The following HS6ST1 variants were observed in gnomAD, a reference collection of about 807,000 sequenced individuals.
HS6ST1 encodes the protein heparan sulfate 6-O-sulfotransferase 1.
A neutral mutation model predicts 25.2 loss-of-function variants in HS6ST1; 3 were observed. That is an observed-to-expected ratio of 0.12 (90% CI 0.05 to 0.31). HS6ST1 has a LOEUF of 0.31. Among genes scored for constraint, HS6ST1 ranks in the 10% least tolerant of loss-of-function variants. The pLI is 1.00. For synonymous variants in HS6ST1, 204 were observed against 275.1 expected, an observed-to-expected ratio of 0.74 and a Z score of 2.56; for missense variants, 310 against 609.6, an observed-to-expected ratio of 0.51 and a Z score of 5.18.
intron 1 of HS6ST1, among the ~76,000 whole-genome samples, chr2:128,291,380 G>A (rs1693950483): frequency 6.6e-6 from 1 of 152,258 alleles, no homozygotes; most frequent in African/African-American, 2.4e-5. Context: ...AGTGAGGTGT[G>A]AGTCCTGGAG....
chr2:128,291,837 C>T (rs1238069210), intron 1 of HS6ST1, among the ~76,000 whole-genome samples: 2 of 152,228 alleles, frequency 1.3e-5, no homozygotes, highest in African/African-American at 4.8e-5. Context: ...GGGCATCTGT[C>T]CACAGGCTCT....
At position 128,318,047 on chromosome 2, in the gene HS6ST1, G is replaced by A; in HGVS notation, c.517C>T (p.Arg173Cys). Residue 173 changes from arginine (R) to cysteine (C), a missense_variant, in exon 1 of 2, where the codon CGC (arginine) becomes TGC (cysteine). This residue lies in a region of HS6ST1 where 98 missense variants were observed against 270.3 expected (regional missense o/e 0.36). Coordinates refer to ENST00000259241, the MANE Select transcript of HS6ST1 (RefSeq NM_004807.3). The surrounding 1 kb of genome is among the most constrained non-coding windows in gnomAD (Gnocchi z 5.7). ...CGCCCGGGCGCTCACCTGGGCGTGC[G>A]CAGCGCGGCGGAGTCGCGGCGGTCC... Reference protein sequence around the residue: ...VLDRRDSAALRTPRKFYYITL... With the variant: ...VLDRRDSAALCTPRKFYYITL... 1 of 1,516,810 alleles carries A rather than the reference G, an allele frequency of 6.6e-7. No homozygotes were observed. The highest frequency in any genetic ancestry group is 8.8e-7 in the Non-Finnish European group (1 of 1,138,716). 94.0% of individuals were successfully genotyped at this position (1,516,810 alleles called of 1,614,324 possible). A position where few individuals can be genotyped will look rare whatever the true frequency, so the allele number is the denominator to read the frequency against.
chr2:128,316,306 C>T (rs905463557), intron 1 of HS6ST1, among the ~76,000 whole-genome samples: 1 of 152,372 alleles, frequency 6.6e-6, no homozygotes, highest in Non-Finnish European at 1.5e-5. Flanking sequence ...GGCTTCTTGG[C>T]GGCCCGAAGC....
chr2:128,311,941 GTC>G (rs761334953), intron 1 of HS6ST1, among the ~76,000 whole-genome samples: 1 of 152,258 alleles, frequency 6.6e-6, no homozygotes, highest in Non-Finnish European at 1.5e-5. Flanking sequence ...GCCATGGGCA[GTC>G]TCTGCTGCCA....
intron 1 of HS6ST1, among the ~76,000 whole-genome samples, chr2:128,273,554 G>A (rs895169440): frequency 1.1e-4 from 16 of 152,184 alleles, no homozygotes; most frequent in East Asian, 3.8e-4. Flanking sequence ...AGCCAGAGGC[G>A]TCCAGTCCCA....
At chr2:128,315,315 G>A (rs1694345366) in intron 1 of HS6ST1, among the ~76,000 whole-genome samples, 1 of 152,194 alleles carries the variant, frequency 6.6e-6, no homozygotes, top group Admixed American at 6.5e-5. Context: ...GCTCAGAGCA[G>A]CCCAGGCTGA....
chr2:128,275,931 C>T (rs1018742337), intron 1 of HS6ST1, among the ~76,000 whole-genome samples: 1 of 152,162 alleles, frequency 6.6e-6, no homozygotes, highest in Non-Finnish European at 1.5e-5. Context: ...ACCACGGTGG[C>T]GTGCTCACCT....
At chr2:128,281,547 C>T (rs984711159) in intron 1 of HS6ST1, among the ~76,000 whole-genome samples, 8 of 152,202 alleles carry the variant, frequency 5.3e-5, no homozygotes, top group Non-Finnish European at 8.8e-5. Flanking sequence ...CCAGCAGTCA[C>T]CTTGGACCAT....
intron 1 of HS6ST1, among the ~76,000 whole-genome samples, chr2:128,309,824 C>T (rs753077115): frequency 7.9e-5 from 12 of 152,208 alleles, no homozygotes; most frequent in South Asian, 2.1e-4. Context: ...CAGCTGCTGA[C>T]GGCTCGCTCT....
intron 1 of HS6ST1, among the ~76,000 whole-genome samples, chr2:128,285,865 C>A (rs1423071894): frequency 6.6e-6 from 1 of 152,210 alleles, no homozygotes; most frequent in African/African-American, 2.4e-5. Flanking sequence ...GGGACAGGTG[C>A]CGTCTGCCCC....
chr2:128,304,428 C>G (rs1694177305), intron 1 of HS6ST1, among the ~76,000 whole-genome samples: 1 of 152,240 alleles, frequency 6.6e-6, no homozygotes, highest in Non-Finnish European at 1.5e-5. Context: ...CCCTCAGGAC[C>G]AGGACCACTG....
At chr2:128,269,341 T>G (rs1039374515) in intron 1 of HS6ST1, among the ~76,000 whole-genome samples, 5 of 145,628 alleles carry the variant, frequency 3.4e-5, no homozygotes, top group African/African-American at 1.3e-4. Context: ...TGGTGGTGGT[T>G]GGGGGGGGGG....
chr2:128,286,991 G>A (rs970908181), intron 1 of HS6ST1, among the ~76,000 whole-genome samples: 1 of 152,198 alleles, frequency 6.6e-6, no homozygotes, highest in Non-Finnish European at 1.5e-5. Flanking sequence ...GGGAGCAAGT[G>A]ACCAGGAAGC....
intron 1 of HS6ST1, among the ~76,000 whole-genome samples, chr2:128,275,245 C>T (rs1693675745): frequency 6.6e-6 from 1 of 152,114 alleles, no homozygotes; most frequent in African/African-American, 2.4e-5. Context: ...ATCATGTAAA[C>T]AGTGATTACT....
At chr2:128,286,087 G>A (rs1220689369) in intron 1 of HS6ST1, among the ~76,000 whole-genome samples, 1 of 152,238 alleles carries the variant, frequency 6.6e-6, no homozygotes, top group Non-Finnish European at 1.5e-5. Context: ...TGGCGATCTG[G>A]TGTGTGGCGT....
At chr2:128,284,564 T>C (rs902406322) in intron 1 of HS6ST1, among the ~76,000 whole-genome samples, 2 of 145,052 alleles carry the variant, frequency 1.4e-5, no homozygotes, top group Non-Finnish European at 3.0e-5. Flanking sequence ...TGCAGTGGCG[T>C]GATCTTGGTC....
intron 1 of HS6ST1, among the ~76,000 whole-genome samples, chr2:128,284,316 G>A (rs1037179062): frequency 6.6e-6 from 1 of 152,124 alleles, no homozygotes; most frequent in African/African-American, 2.4e-5. Context: ...CCACCCTAGG[G>A]GCCTTCTCTT....
chr2:128,299,951 A>G (rs570088074), intron 1 of HS6ST1, among the ~76,000 whole-genome samples: 2 of 152,142 alleles, frequency 1.3e-5, no homozygotes, highest in African/African-American at 4.8e-5. Flanking sequence ...GCAGAGGGCT[A>G]CCCCACCTCC....
intron 1 of HS6ST1, among the ~76,000 whole-genome samples, chr2:128,278,142 C>T (rs111339203): frequency 0.031 from 4,780 of 152,328 alleles, 123 homozygotes; most frequent in Non-Finnish European, 0.042. Flanking sequence ...GGCAGGAGGG[C>T]GGGGCAGGCA....
Sources: gnomAD v4.1 joint callset for allele counts (sites outside exome capture counted in the v4.1 genomes callset) on GRCh38, gnomAD v4.1.1 for gene constraint, gnomAD v4.1.1 regional missense constraint, Gnocchi (gnomAD v3.1) non-coding constraint, MANE v1.5 for transcripts, NCBI Gene and HGNC (gene_info 2026-07-23, HGNC 2026-07-21) for gene names.